The following PCDHA2 variants were observed in gnomAD, a reference collection of about 807,000 sequenced individuals.
PCDHA2 encodes the protein protocadherin alpha 2, also known as protocadherin alpha-2.
PCDHA2 carries 58 observed loss-of-function variants against 66.0 expected under a neutral mutation model. The observed-to-expected ratio is 0.88, with a 90% CI of 0.71 to 1.09. PCDHA2 has a LOEUF of 1.09. Among genes scored for constraint, PCDHA2 ranks in the 50% least tolerant of loss-of-function variants. The pLI is 0.00. For missense variants in PCDHA2, 1,267 were observed against 1,242.3 expected (o/e 1.02, Z -0.30); for synonymous variants, 634 against 554.0 (o/e 1.14, Z -2.03).
chr5:140,879,101 A>G (rs2153365508), intron 1 of PCDHA2, among the ~76,000 whole-genome samples: 1 of 152,330 alleles, frequency 6.6e-6, no homozygotes, highest in East Asian at 1.9e-4. Context: ...TGCACAGTAT[A>G]TGGTGTAATT....
At chr5:140,927,166 G>A in intron 1 of PCDHA2, 1 of 1,614,188 alleles carries the variant, frequency 6.2e-7, no homozygotes. Context: ...GGCCAAAGCT[G>A]CCTGCGTCTT....
rs142866496 is a variant in PCDHA2, at chr5:140,917,224, G to A, written c.2389-61725G>A. Among the ~76,000 whole-genome samples, 29 of 151,040 alleles carry A rather than the reference G, an allele frequency of 1.9e-4. No homozygotes were observed. In the East Asian group the frequency reaches 2.2e-3, roughly 11 times the overall value. ...TCTTCAATGCCTCTTTTAGTGATAC[G>A]TTGTTAAATCTAGGTACTACGATTG... On this transcript the variant is annotated intron_variant, in intron 1 of 3. Transcript: ENST00000526136.
At chr5:140,924,891 T>C (rs549129193) in intron 1 of PCDHA2, among the ~76,000 whole-genome samples, 1 of 88,410 alleles carries the variant, frequency 1.1e-5, no homozygotes, top group African/African-American at 5.1e-5. Context: ...CAAGAACCTG[T>C]CTCAAAAAAA....
chr5:140,909,545 C>T (rs2074570694), intron 1 of PCDHA2, among the ~76,000 whole-genome samples: 2 of 152,142 alleles, frequency 1.3e-5, no homozygotes, highest in African/African-American at 4.8e-5. Context: ...TTGATGGTGG[C>T]ACTAATCTCT....
chr5:140,797,439 GTTC>G (rs1313299165), intron 1 of PCDHA2, 87 bp downstream of exon 1: 2 of 1,380,916 alleles, frequency 1.4e-6, no homozygotes, highest in African/African-American at 2.9e-5. Context: ...TAGATTCATA[GTTC>G]TTCATTTATT....
At chr5:140,832,628 G>T (rs2150202916) in intron 1 of PCDHA2, among the ~76,000 whole-genome samples, 2 of 152,228 alleles carry the variant, frequency 1.3e-5, no homozygotes, top group South Asian at 2.1e-4. Flanking sequence ...TTTTTAAAAA[G>T]TTCCTAGGAG....
Position 141,010,530 on chromosome 5 carries a change from A to T in PCDHA2, c.*593A>T, listed in dbSNP as rs188140091. 45 of 414,090 alleles carry T rather than the reference A, an allele frequency of 1.1e-4. No homozygotes were observed. In the Admixed American group the frequency reaches 1.6e-3, roughly 15 times the overall value. The allele number at this position is 414,090 out of a possible 1,614,324, so 25.7% of individuals were successfully genotyped here. On this transcript the variant is annotated 3_prime_UTR_variant, in exon 4 of 4. Coordinates refer to ENST00000526136, the MANE Select transcript of PCDHA2 (RefSeq NM_018905.3). ...TCTTACAACTCAAGAGGTGGCAGCC[A>T]CCCTCTAGGAGACAAAACTACCCCC... is the stretch of plus-strand genomic sequence containing the variant.
In PCDHA2 at chr5:140,821,707, G is replaced by C. The variant is rs2150110191; in HGVS notation, c.2388+24355G>C. The C allele has an allele frequency of 0.014, 19,650 of 1,440,044 alleles. 1,552 individuals are homozygous for C. The African/African-American group carries it at 0.2, about 15-fold the overall frequency. 89.2% of individuals were successfully genotyped at this position (1,440,044 alleles called of 1,614,324 possible). On this transcript the variant is annotated intron_variant, in intron 1 of 3. Coordinates refer to ENST00000526136, the MANE Select transcript of PCDHA2 (RefSeq NM_018905.3). ...TAATATAAAAAATATATAGTTAATT[G>C]GGAATTGAATTTACAAAATACATTG...
rs147995655 is a variant in PCDHA2, at chr5:140,849,740, C to G, written c.2388+52388C>G. 79 of 1,598,306 alleles carry G rather than the reference C, an allele frequency of 4.9e-5. 7 individuals are homozygous for G. In the African/African-American group the frequency reaches 8.5e-4, roughly 17 times the overall value. On this transcript the variant is annotated intron_variant, in intron 1 of 3. Transcript: ENST00000526136. ...TGGTGCTGGACAGAGCTCTGGACCG[C>G]GAGAGTGTGTCCGCCTACGAGCTGG...
rs782755765 is a variant in PCDHA2, at chr5:140,869,235, C to T, written c.2388+71883C>T. On this transcript the variant is annotated intron_variant, in intron 1 of 3. Coordinates refer to ENST00000526136, the MANE Select transcript of PCDHA2 (RefSeq NM_018905.3). ...CGGAGGAGGCCAAACACGGCACCTT[C>T]GTGGGCCGCATCGCGCAGGACCTGG... is the stretch of plus-strand genomic sequence containing the variant. 1.2e-5 allele frequency: 19 copies of T among 1,613,568 alleles called. No homozygotes were observed. The South Asian group carries it at 1.5e-4, about 13-fold the overall frequency.
intron 1 of PCDHA2, among the ~76,000 whole-genome samples, chr5:140,899,245 G>A (rs2067216472): frequency 6.6e-6 from 1 of 152,128 alleles, no homozygotes; most frequent in Non-Finnish European, 1.5e-5. Context: ...GGAGTGGTGA[G>A]AGAGGGCATC....
chr5:140,924,132 T>C (rs1417924703), intron 1 of PCDHA2, among the ~76,000 whole-genome samples: 1 of 152,246 alleles, frequency 6.6e-6, no homozygotes, highest in East Asian at 1.9e-4. Flanking sequence ...TTAGCAGCAT[T>C]AATTTAAAAT....
At chr5:140,808,208 G>A in intron 1 of PCDHA2, 2 of 1,614,260 alleles carry the variant, frequency 1.2e-6, no homozygotes, top group Non-Finnish European at 1.7e-6. Context: ...TGTGGAAGTA[G>A]AAGACAACAA....
At chr5:140,999,892 G>A (rs1329841334) in intron 3 of PCDHA2, among the ~76,000 whole-genome samples, 1 of 152,134 alleles carries the variant, frequency 6.6e-6, no homozygotes, top group Non-Finnish European at 1.5e-5. Context: ...GCTGTAGCTT[G>A]GGACACCAAA....
At chr5:140,855,753 G>C (rs1461376517) in intron 1 of PCDHA2, 1 of 333,040 alleles carries the variant, frequency 3.0e-6, no homozygotes, top group African/African-American at 2.1e-5. Flanking sequence ...GTGAGGCTTT[G>C]AAAGTCCATA....
intron 1 of PCDHA2, chr5:140,803,429 G>A (rs782400745): frequency 1.1e-5 from 17 of 1,614,106 alleles, no homozygotes; most frequent in Non-Finnish European, 1.4e-5. Context: ...GCTCCAGCGC[G>A]GTGGGGAGCT....
intron 3 of PCDHA2, among the ~76,000 whole-genome samples, chr5:140,997,018 A>G (rs1403831704): frequency 6.6e-6 from 1 of 151,882 alleles, no homozygotes; most frequent in African/African-American, 2.4e-5. Flanking sequence ...ATCCTCCAAT[A>G]TTTTTTTGAA....
intron 1 of PCDHA2, among the ~76,000 whole-genome samples, chr5:140,806,428 A>T (rs1040644619): frequency 1.3e-5 from 2 of 152,234 alleles, no homozygotes. Context: ...ATTATTTGGA[A>T]TGCTTTTCCA....
chr5:140,808,430 C>T (rs782400993), intron 1 of PCDHA2: 7 of 1,614,010 alleles, frequency 4.3e-6, no homozygotes, highest in African/African-American at 4.0e-5. Flanking sequence ...TGCCCTGGAC[C>T]GCGAGAGCGT....
Sources: allele counts gnomAD v4.1 joint callset (sites outside exome capture counted in the v4.1 genomes callset), GRCh38; gene constraint gnomAD v4.1.1; transcripts MANE v1.5; gene names NCBI Gene and HGNC (gene_info 2026-07-23, HGNC 2026-07-21).